The following TEP1 variants were observed in gnomAD, a reference collection of about 807,000 sequenced individuals.
TEP1 encodes the protein telomerase protein component 1.
A neutral mutation model predicts 306.3 loss-of-function variants in TEP1; 241 were observed. That is an observed-to-expected ratio of 0.79 (90% confidence interval 0.71 to 0.88). The LOEUF (loss-of-function observed/expected upper bound fraction) is 0.88, where lower values mean the gene tolerates loss of function less well. Among genes scored for constraint, TEP1 ranks in the 40% least tolerant of loss-of-function variants. TEP1 has a pLI of 0.00. For missense variants in TEP1, 3,051 were observed against 3,276.1 expected, an observed-to-expected ratio of 0.93 and a Z score of 1.68; for synonymous variants, 1,289 against 1,305.5, an observed-to-expected ratio of 0.99 and a Z score of 0.27.
In TEP1 at chr14:20,384,713, G is replaced by T; in HGVS notation, c.3108C>A (p.Ser1036Arg). 6.2e-7 allele frequency: 1 copy of T among 1,609,486 alleles called. No homozygotes were observed. The change falls in exon 22 of 55, where the codon AGC becomes AGA. Residue 1036 changes from serine to arginine, a missense_variant and splice_region_variant. Physicochemically the swap from Ser to Arg is moderately radical, Grantham distance 110. Transcript: ENST00000262715. ...CAGATTTCCAGGCATCTGGCACAGA[G>T]CTGACCACCAAAGACCCCAAAAGTT... ...LIYFRDSSFLSSVPDAWKSDF... is the reference protein window; with the variant it reads ...LIYFRDSSFLRSVPDAWKSDF...
In TEP1 at chr14:20,381,346, A is replaced by T; in HGVS notation, c.4614T>A (p.Pro1538=). ...AAGGCAGGTCTCCCAGAGCCTCAGG[A>T]GGGCAACTTCGGAAGGTGCCTGAGG... ...ADASGTFRSC[P]PEALGDLPYH... is the part of the protein sequence containing the mutation. Residue 1538 remains proline (P), a synonymous_variant, in exon 32 of 55, where the codon CCT becomes CCA. Transcript: ENST00000262715. The surrounding 1 kb of genome is among the most constrained non-coding windows in gnomAD (Gnocchi z 4.0). The T allele has an allele frequency of 2.5e-6, 4 of 1,614,200 alleles. No individual in the cohort carries two copies. In the African/African-American group the frequency reaches 4.0e-5, roughly 16 times the overall value.
rs367581679 is a variant in TEP1 at position 20,383,244 on chromosome 14, C to T, written c.3977G>A (p.Arg1326Gln). The T allele has an allele frequency of 2.2e-5, 35 of 1,613,900 alleles. No homozygotes were observed. The highest frequency in any genetic ancestry group is 2.0e-4 in the East Asian group (9 of 44,886). ...CAGCTCCTCTCTCACCAGCCGGGCC[C>T]GAGCAGAGGCCTCCAGAGGCCCCAA... ...LALGPLEASA[R>Q]ARLVREELAL... Residue 1326 changes from arginine to glutamine, a missense_variant, in exon 27 of 55, where the codon CGG becomes CAG. Physicochemically the swap from Arg to Gln is conservative, Grantham distance 43. Around this residue, in one of 3 missense-constraint regions of TEP1, gnomAD observed 1,540 missense variants for 1,705.9 expected, o/e 0.90. Coordinates refer to ENST00000262715, the MANE Select transcript of TEP1 (RefSeq NM_007110.5).
chr14:20,402,892 C>T (rs1878865264), intron 7 of TEP1, among the ~76,000 whole-genome samples: 2 of 152,122 alleles, frequency 1.3e-5, no homozygotes, highest in Admixed American at 1.3e-4. Context: ...GGTGTGGTGG[C>T]TCACATCTGT....
intron 44 of TEP1, 43 bp downstream of exon 44, chr14:20,374,386 C>T: frequency 6.8e-7 from 1 of 1,471,970 alleles, no homozygotes; most frequent in South Asian, 1.2e-5. Flanking sequence ...GCCCCCTTAG[C>T]CCTTCCAGAG....
intron 23 of TEP1, 54 bp downstream of exon 23, chr14:20,384,337 C>T (rs1175892127): frequency 1.9e-6 from 3 of 1,612,248 alleles, no homozygotes; most frequent in Non-Finnish European, 2.5e-6. Context: ...CCAGGACAAC[C>T]CAGACCACCC....
intron 3 of TEP1, 34 bp from the exon 4 acceptor site, chr14:20,405,619 A>T: frequency 6.2e-7 from 1 of 1,608,840 alleles, no homozygotes. Flanking sequence ...AAATGAGAAG[A>T]GAGGTAACAA....
intron 18 of TEP1, among the ~76,000 whole-genome samples, chr14:20,387,421 A>G (rs1401181894): frequency 6.6e-6 from 1 of 150,880 alleles, no homozygotes; most frequent in Non-Finnish European, 1.5e-5. Context: ...GCATGGTGGC[A>G]GGCGCCTGTA....
In TEP1 at chr14:20,373,937, AACAGTGGGGTTGGGTGGCTCAGG is replaced by A. The variant is rs1310070313; in HGVS notation, c.6472-150_6472-128del. 3.5e-5 allele frequency: 46 copies of A among 1,303,946 alleles called. 1 individual carries two copies. Among genetic ancestry groups the A allele is most frequent in the African/African-American group, 1.6e-4 (11 of 68,392 alleles). 80.8% of individuals were successfully genotyped at this position (1,303,946 alleles called of 1,614,324 possible). A position where few individuals can be genotyped will look rare whatever the true frequency, so the allele number is the denominator to read the frequency against. ...TGTCAATGAGGGAGGAGAACTCAGG[AACAGTGGGGTTGGGTGGCTCAGG>A]ACAGTGGGGTCGGGTGGCTCAAGTT... On this transcript the variant is annotated intron_variant, in intron 44 of 54. Coordinates refer to ENST00000262715, the MANE Select transcript of TEP1 (RefSeq NM_007110.5).
At chr14:20,399,956 G>A (rs1456768583) in intron 9 of TEP1, among the ~76,000 whole-genome samples, 1 of 151,620 alleles carries the variant, frequency 6.6e-6, no homozygotes, top group Admixed American at 6.6e-5. Flanking sequence ...GAGGTCAGGA[G>A]TTCAAGACCA....
intron 18 of TEP1, among the ~76,000 whole-genome samples, chr14:20,387,107 T>C (rs1490663225): frequency 2.6e-5 from 4 of 151,428 alleles, no homozygotes; most frequent in Non-Finnish European, 5.9e-5. Context: ...GCTAATTTTG[T>C]ATTTTTAGTA....
rs768712036 is a variant in TEP1, at chr14:20,395,901, G to A, written c.1708C>T (p.His570Tyr). Residue 570 changes from histidine (H) to tyrosine (Y), a missense_variant, in exon 11 of 55, where the codon CAT (histidine) becomes TAT (tyrosine). Physicochemically the swap from His to Tyr is moderately conservative, Grantham distance 83 (BLOSUM62 2). Coordinates refer to ENST00000262715, the MANE Select transcript of TEP1 (RefSeq NM_007110.5). ...RQFPFRFLNA[H>Y]DAIDALEAQL... ...GCCTCGAGGGCATCAATGGCATCAT[G>A]GGCGTTAAGAAATCTGAATGGAAAC... The A allele has an allele frequency of 7.4e-6, 12 of 1,614,068 alleles. No individual in the cohort carries two copies. In the South Asian group the frequency reaches 1.3e-4, roughly 18 times the overall value.
At position 20,391,859 on chromosome 14, in the gene TEP1, G is replaced by GA. The variant is rs1267738915; in HGVS notation, c.1929-93dup. On this transcript the variant is annotated intron_variant, in intron 12 of 54. Coordinates refer to ENST00000262715, the MANE Select transcript of TEP1 (RefSeq NM_007110.5). ...AGATGAGAAGTTGCCACTAAGTATTGAGTCTTCTCCCTCCCTCAAGCACCA... is the reference window on the plus strand; with the variant it reads ...AGATGAGAAGTTGCCACTAAGTATTGAAGTCTTCTCCCTCCCTCAAGCACCA... 3 of 1,414,946 alleles carry GA rather than the reference G, an allele frequency of 2.1e-6. No individual in the cohort carries two copies. The African/African-American group carries it at 4.2e-5, about 20-fold the overall frequency. The allele number at this position is 1,414,946 out of a possible 1,614,324, so 87.6% of individuals were successfully genotyped here.
chr14:20,400,497 CAAAAAAA>C (rs71108598), intron 9 of TEP1, among the ~76,000 whole-genome samples: 402 of 85,488 alleles, frequency 4.7e-3, no homozygotes, highest in African/African-American at 0.013. Flanking sequence ...AAAAGTAGAC[CAAAAAAA>C]AAAAAAAAAA....
chr14:20,389,219 G>A lies in TEP1; in HGVS notation c.2525+19C>T. 2 of 1,611,640 alleles carry A rather than the reference G, an allele frequency of 1.2e-6. 1 individual carries two copies. Among genetic ancestry groups the A allele is most frequent in the South Asian group, 2.2e-5 (2 of 91,016 alleles). On this transcript the variant is annotated intron_variant, in intron 17 of 54. Coordinates refer to ENST00000262715, the MANE Select transcript of TEP1 (RefSeq NM_007110.5). ...TTCCAACAAAGTATCCAACCCTTCAGTATCCATTCTGTACTCACTTCAGTA... is the reference window on the plus strand; with the variant it reads ...TTCCAACAAAGTATCCAACCCTTCAATATCCATTCTGTACTCACTTCAGTA...
At chr14:20,400,696 G>T (rs139053673) in intron 9 of TEP1, 267 of 339,422 alleles carry the variant, frequency 7.9e-4, no homozygotes, top group African/African-American at 4.0e-3. Flanking sequence ...GAGTTACAGA[G>T]ATATCGATAT....
At chr14:20,387,812 G>A (rs980287374) in intron 18 of TEP1, 93 bp downstream of exon 18, 45 of 1,446,776 alleles carry the variant, frequency 3.1e-5, no homozygotes, top group East Asian at 2.4e-4. Context: ...GAGAACAAGC[G>A]GCACCTCACC....
Position 20,381,432 on chromosome 14 carries a change from C to T in TEP1, c.4559-31G>A. The T allele has an allele frequency of 1.2e-6, 2 of 1,613,582 alleles. No individual in the cohort carries two copies. The highest frequency in any genetic ancestry group is 1.7e-6 in the Non-Finnish European group (2 of 1,179,922). On this transcript the variant is annotated intron_variant, in intron 31 of 54. Coordinates refer to ENST00000262715, the MANE Select transcript of TEP1 (RefSeq NM_007110.5). The surrounding 1 kb of genome is among the most constrained non-coding windows in gnomAD (Gnocchi z 4.0). Reference sequence around the variant, plus strand: ...TGAACAGATATTGAGAAAGGCTCAGCCCTGCATCATTCCCAAGGGCAGTAG... The same window carrying T: ...TGAACAGATATTGAGAAAGGCTCAGTCCTGCATCATTCCCAAGGGCAGTAG...
intron 19 of TEP1, 36 bp from the exon 20 acceptor site, chr14:20,386,231 T>G (rs1419000834): frequency 1.2e-5 from 19 of 1,613,062 alleles, no homozygotes; most frequent in Non-Finnish European, 1.6e-5. Flanking sequence ...TGGGAGTCAC[T>G]GGGGGCATGG....
intron 44 of TEP1, 133 bp downstream of exon 44, chr14:20,374,296 A>G (rs571321793): frequency 3.4e-6 from 2 of 582,296 alleles, no homozygotes; most frequent in South Asian, 2.4e-5. Flanking sequence ...GGGTCTTCCT[A>G]TGTTGCCTAA....
Sources: gnomAD v4.1 joint callset for allele counts (sites outside exome capture counted in the v4.1 genomes callset) on GRCh38, gnomAD v4.1.1 for gene constraint, gnomAD v4.1.1 regional missense constraint, Gnocchi (gnomAD v3.1) non-coding constraint, MANE v1.5 for transcripts, NCBI Gene and HGNC (gene_info 2026-07-23, HGNC 2026-07-21) for gene names.